Variants in EYA1 observed in about 807,000 individuals in gnomAD.
The protein encoded by EYA1 is EYA transcriptional coactivator and phosphatase 1.
EYA1 carries 16 observed loss-of-function variants against 82.0 expected under a neutral mutation model. The ratio of observed to expected loss-of-function variants is 0.20; its 90% CI spans 0.13 to 0.30. The LOEUF (loss-of-function observed/expected upper bound fraction) is 0.30, where lower values mean the gene tolerates loss of function less well. Ranked by LOEUF, EYA1 falls within the 10% of genes least tolerant of loss-of-function variation. The pLI is 1.00. For missense variants in EYA1, 633 were observed against 730.7 expected (o/e 0.87, Z 1.54); for synonymous variants, 261 against 264.4 (o/e 0.99, Z 0.12).
intron 2 of EYA1, among the ~76,000 whole-genome samples, chr8:71,469,743 C>T (rs59694817): frequency 0.15 from 23,206 of 151,938 alleles, 3,159 homozygotes; most frequent in East Asian, 0.47. Context: ...ATGGGCCTCA[C>T]GTGTCTATCA....
intron 12 of EYA1, among the ~76,000 whole-genome samples, chr8:71,221,801 C>T (rs1809954703): frequency 2.6e-5 from 4 of 152,106 alleles, no homozygotes; most frequent in Admixed American, 2.6e-4. Flanking sequence ...CCTGGGCATG[C>T]ACATTAAGAG....
intron 9 of EYA1, among the ~76,000 whole-genome samples, chr8:71,282,005 A>G (rs1242663716): frequency 6.6e-6 from 1 of 152,214 alleles, no homozygotes. Flanking sequence ...AGCAATACCA[A>G]GGGACAGCTT....
chr8:71,454,290 A>C (rs1252163809), intron 2 of EYA1, among the ~76,000 whole-genome samples: 2 of 152,344 alleles, frequency 1.3e-5, no homozygotes, highest in Admixed American at 6.5e-5. Context: ...AGAGACCAAT[A>C]AAGAGACTTA....
chr8:71,541,292 T>A (rs1815118227), intron 1 of EYA1, among the ~76,000 whole-genome samples: 1 of 152,266 alleles, frequency 6.6e-6, no homozygotes, highest in Non-Finnish European at 1.5e-5. Flanking sequence ...GAAGTAAATG[T>A]ATACACCAAT....
chr8:71,211,964 C>A (rs1485274395), intron 16 of EYA1, among the ~76,000 whole-genome samples: 1 of 152,138 alleles, frequency 6.6e-6, no homozygotes, highest in South Asian at 2.1e-4. Flanking sequence ...TAATAGAATA[C>A]CCTTATCTGT....
At chr8:71,348,915 T>A (rs1826026065) in intron 3 of EYA1, among the ~76,000 whole-genome samples, 1 of 152,152 alleles carries the variant, frequency 6.6e-6, no homozygotes, top group East Asian at 1.9e-4. Context: ...TAGAAATATT[T>A]TGTGAGGTAG....
intron 3 of EYA1, among the ~76,000 whole-genome samples, chr8:71,346,636 T>C (rs1341151371): frequency 6.6e-6 from 1 of 151,960 alleles, no homozygotes; most frequent in African/African-American, 2.4e-5. Context: ...ATACTAACAG[T>C]TGAAGTTTCT....
At position 71,308,450 on chromosome 8, in the gene EYA1, G is replaced by A. The variant is rs1167094644; in HGVS notation, c.557-8730C>T. The stretch of plus-strand genomic sequence containing the variant: ...GGCTTCCTACAGAGAAAGAGTGGTG[G>A]CCTTGTCAACCATAACAAACAAGAA... On this transcript the variant is annotated intron_variant, in intron 7 of 17. Coordinates refer to ENST00000340726, the MANE Select transcript of EYA1 (RefSeq NM_000503.6). 2.0e-5 allele frequency among the ~76,000 whole-genome samples: 3 copies of A among 152,118 alleles called. No homozygotes were observed. In the East Asian group the frequency reaches 5.8e-4, roughly 30 times the overall value.
chr8:71,405,443 C>G (rs1354734813), intron 2 of EYA1, among the ~76,000 whole-genome samples: 14 of 152,204 alleles, frequency 9.2e-5, no homozygotes, highest in Admixed American at 9.2e-4. Flanking sequence ...TTTCTGGGTT[C>G]AGGTGTCTGT....
At chr8:71,332,676 G>A (rs1824025041) in intron 4 of EYA1, among the ~76,000 whole-genome samples, 1 of 152,100 alleles carries the variant, frequency 6.6e-6, no homozygotes, top group African/African-American at 2.4e-5. Context: ...ATATGACCAT[G>A]CGACCCCTTT....
intron 7 of EYA1, among the ~76,000 whole-genome samples, chr8:71,309,772 G>A (rs1373297055): frequency 6.6e-6 from 1 of 152,142 alleles, no homozygotes; most frequent in East Asian, 1.9e-4. Flanking sequence ...AATGAGGCAG[G>A]GATGCATGAG....
At chr8:71,396,555 T>C (rs1829629251) in intron 2 of EYA1, among the ~76,000 whole-genome samples, 2 of 152,214 alleles carry the variant, frequency 1.3e-5, no homozygotes. Flanking sequence ...ATATAGCCAG[T>C]AGTCATTCAG....
chr8:71,520,674 C>T (rs2129269611), intron 2 of EYA1, among the ~76,000 whole-genome samples: 1 of 152,232 alleles, frequency 6.6e-6, no homozygotes, highest in African/African-American at 2.4e-5. Context: ...CTTCACACCC[C>T]CAGGGCCAGA....
intron 17 of EYA1, among the ~76,000 whole-genome samples, chr8:71,201,821 C>A (rs1807061456): frequency 6.6e-6 from 1 of 152,146 alleles, no homozygotes; most frequent in South Asian, 2.1e-4. Flanking sequence ...TATTTAACCA[C>A]CTACTTGGTA....
chr8:71,272,168 G>T (rs971223746), intron 9 of EYA1, among the ~76,000 whole-genome samples: 2 of 152,104 alleles, frequency 1.3e-5, no homozygotes, highest in Non-Finnish European at 2.9e-5. Context: ...CTTCCATGTG[G>T]TTCTCTGTGA....
At chr8:71,297,354 A>G (rs768326892) in intron 9 of EYA1, among the ~76,000 whole-genome samples, 18 of 152,138 alleles carry the variant, frequency 1.2e-4, no homozygotes, top group Non-Finnish European at 2.1e-4. Context: ...CTTATATCTG[A>G]CCAAATGGCC....
intron 2 of EYA1, among the ~76,000 whole-genome samples, chr8:71,377,527 A>G (rs1485925567): frequency 2.6e-5 from 4 of 152,238 alleles, no homozygotes; most frequent in African/African-American, 7.2e-5. Flanking sequence ...AAACCAATGG[A>G]CACATTTCTG....
Position 71,435,407 on chromosome 8 carries a change from ATATAT to A in EYA1, c.34-78901_34-78897del, listed in dbSNP as rs374140387. Among the ~76,000 whole-genome samples the A allele has an allele frequency of 1.6e-3, 246 of 152,168 alleles. 1 individual carries two copies. The highest frequency in any genetic ancestry group is 5.8e-3 in the African/African-American group (241 of 41,578). On this transcript the variant is annotated intron_variant, in intron 2 of 18. Transcript: ENST00000643681. ...GATAAATAAATTGATTCATATATAA[ATATAT>A]TTATTTTTCCTTTTAATTTTTAAAA...
intron 2 of EYA1, among the ~76,000 whole-genome samples, chr8:71,465,228 A>G (rs976787806): frequency 2.4e-4 from 37 of 152,364 alleles, no homozygotes; most frequent in African/African-American, 8.4e-4. Context: ...TTTAGAATGC[A>G]ACTGCTGTTG....
Sources: gnomAD v4.1 joint callset for allele counts (sites outside exome capture counted in the v4.1 genomes callset) on GRCh38, gnomAD v4.1.1 for gene constraint, MANE v1.5 for transcripts, NCBI Gene and HGNC (gene_info 2026-07-23, HGNC 2026-07-21) for gene names.